PDE10A: variants seen among roughly 807,000 people sequenced by gnomAD.
The protein encoded by PDE10A is cAMP and cAMP-inhibited cGMP 3',5'-cyclic phosphodiesterase 10A.
In PDE10A, 39 loss-of-function variants were observed where a neutral mutation model predicts 97.7. The observed-to-expected ratio is 0.40, with a 90% CI of 0.31 to 0.52. PDE10A has a LOEUF of 0.52. PDE10A is among the 20% of genes least tolerant of loss of function. The pLI is 0.56. For synonymous variants in PDE10A, 371 were observed against 376.8 expected (o/e 0.98, Z 0.18); for missense variants, 731 against 1,047.8 (o/e 0.70, Z 4.17).
chr6:165,445,693 T>C (rs1443246837), intron 5 of PDE10A, among the ~76,000 whole-genome samples: 2 of 152,248 alleles, frequency 1.3e-5, no homozygotes, highest in Non-Finnish European at 2.9e-5. Flanking sequence ...GATTGGACTC[T>C]TGAAGCCATA....
chr6:165,604,738 A>G (rs923819527), intron 1 of PDE10A, among the ~76,000 whole-genome samples: 1 of 152,182 alleles, frequency 6.6e-6, no homozygotes, highest in East Asian at 1.9e-4. Flanking sequence ...CTATGTTACT[A>G]AATACAAAAG....
At chr6:165,923,602 C>T (rs148715305) in intron 1 of PDE10A, among the ~76,000 whole-genome samples, 3 of 152,250 alleles carry the variant, frequency 2.0e-5, no homozygotes, top group African/African-American at 7.2e-5. Flanking sequence ...GCATGTGAGT[C>T]CTTCATAAAG....
chr6:165,577,919 G>A (rs1347140711), intron 1 of PDE10A, among the ~76,000 whole-genome samples: 4 of 152,144 alleles, frequency 2.6e-5, no homozygotes, highest in African/African-American at 7.2e-5. Flanking sequence ...CACAAAACAA[G>A]AGAAACCCAG....
At chr6:165,492,327 G>GA (rs1780275131) in intron 2 of PDE10A, among the ~76,000 whole-genome samples, 1 of 152,148 alleles carries the variant, frequency 6.6e-6, no homozygotes, top group South Asian at 2.1e-4. Context: ...ACAAGATAGA[G>GA]AAAGAGGGAA....
intron 3 of PDE10A, among the ~76,000 whole-genome samples, chr6:165,461,539 T>C (rs1778327603): frequency 6.6e-6 from 1 of 152,256 alleles, no homozygotes; most frequent in South Asian, 2.1e-4. Context: ...TGATTCTTCA[T>C]ACATGGTTCA....
chr6:165,447,994 T>C (rs554443116), intron 5 of PDE10A, among the ~76,000 whole-genome samples: 8 of 152,344 alleles, frequency 5.3e-5, no homozygotes, highest in African/African-American at 1.9e-4. Flanking sequence ...TGCAAAACTG[T>C]TATATTTAAG....
chr6:165,819,345 C>T lies in PDE10A; in HGVS notation c.-615+168184G>A, dbSNP rs971475885. 6.6e-6 allele frequency among the ~76,000 whole-genome samples: 1 copy of T among 152,190 alleles called. No individual in the cohort carries two copies. Among genetic ancestry groups the T allele is most frequent in the Non-Finnish European group, 1.5e-5 (1 of 68,038 alleles). On this transcript the variant is annotated intron_variant, in intron 1 of 19. Transcript: ENST00000366882. The surrounding 1 kb of genome is among the most constrained non-coding windows in gnomAD (Gnocchi z 4.2). ...CTCCTTTCTTTAAAATCCCCACTTCCCCTGAGAGATTCAGATGCTCATCCT... is the reference window on the plus strand; with the variant it reads ...CTCCTTTCTTTAAAATCCCCACTTCTCCTGAGAGATTCAGATGCTCATCCT...
chr6:165,412,007 G>A (rs936197544), intron 13 of PDE10A, among the ~76,000 whole-genome samples: 10 of 151,690 alleles, frequency 6.6e-5, no homozygotes, highest in Non-Finnish European at 2.9e-5. Context: ...TTAAGCCATA[G>A]GTATCTAAGA....
chr6:165,436,219 T>C (rs551243863), intron 5 of PDE10A, among the ~76,000 whole-genome samples: 19 of 152,298 alleles, frequency 1.2e-4, no homozygotes, highest in East Asian at 3.9e-4. Flanking sequence ...TGGATTACTC[T>C]AACAAAGAAT....
At chr6:165,503,733 G>A (rs998335007) in intron 2 of PDE10A, among the ~76,000 whole-genome samples, 5 of 152,008 alleles carry the variant, frequency 3.3e-5, no homozygotes, top group Non-Finnish European at 7.4e-5. Flanking sequence ...ATAGTTTGGC[G>A]TTTTCTGAAA....
intron 1 of PDE10A, chr6:165,576,565 C>A (rs1179951614): frequency 2.9e-6 from 2 of 694,024 alleles, no homozygotes; most frequent in Admixed American, 2.1e-5. Context: ...ACAAAAAAAT[C>A]AAATAACTAA....
chr6:165,817,188 G>C (rs1779442408), intron 1 of PDE10A, among the ~76,000 whole-genome samples: 1 of 152,050 alleles, frequency 6.6e-6, no homozygotes, highest in Non-Finnish European at 1.5e-5. Flanking sequence ...CTCCCAGCAG[G>C]CCAGAGCCCT....
At chr6:165,855,030 A>AATGAATGAATGCATGC (rs1431069532) in intron 1 of PDE10A, among the ~76,000 whole-genome samples, 1 of 143,484 alleles carries the variant, frequency 7.0e-6, no homozygotes, top group African/African-American at 2.7e-5. Flanking sequence ...TGAATGAATG[A>AATGAATGAATGCATGC]ATGCATGAAT....
chr6:165,792,524 A>G (rs1778687062), intron 1 of PDE10A, among the ~76,000 whole-genome samples: 2 of 152,142 alleles, frequency 1.3e-5, no homozygotes, highest in Admixed American at 1.3e-4. Flanking sequence ...GTTTGTCTCC[A>G]GGATGCCACT....
chr6:165,387,463 C>T (rs1268179775), intron 17 of PDE10A, among the ~76,000 whole-genome samples: 1 of 152,128 alleles, frequency 6.6e-6, no homozygotes, highest in Non-Finnish European at 1.5e-5. Context: ...TTAGAGGAGG[C>T]CTGGCCTATT....
At chr6:165,768,192 C>T (rs572513158) in intron 1 of PDE10A, among the ~76,000 whole-genome samples, 17 of 152,282 alleles carry the variant, frequency 1.1e-4, no homozygotes, top group African/African-American at 3.8e-4. Flanking sequence ...ACACTAGACC[C>T]ATATCAGATA....
At chr6:165,872,189 C>T (rs1347686096) in intron 1 of PDE10A, among the ~76,000 whole-genome samples, 1 of 152,202 alleles carries the variant, frequency 6.6e-6, no homozygotes, top group Non-Finnish European at 1.5e-5. Flanking sequence ...ATCAATATTA[C>T]TGTATTTGTA....
intron 2 of PDE10A, among the ~76,000 whole-genome samples, chr6:165,504,953 C>T (rs930767072): frequency 6.6e-6 from 1 of 152,090 alleles, no homozygotes; most frequent in East Asian, 1.9e-4. Flanking sequence ...GCAGGGCCTG[C>T]GGTTCCCACT....
rs73251516 is a variant in PDE10A at position 165,599,911 on chromosome 6, G to C, written c.866-56343C>G. On this transcript the variant is annotated intron_variant, in intron 1 of 21. Coordinates refer to ENST00000539869, the MANE Select transcript of PDE10A (RefSeq NM_001385079.1). ...CCTTAGATTGCTTTCTTTCTACCCG[G>C]AGGCAAAGGTGACACACTGATGGGG... 4.4e-3 allele frequency among the ~76,000 whole-genome samples: 664 copies of C among 152,218 alleles called. 5 individuals are homozygous for C. Among genetic ancestry groups the C allele is most frequent in the African/African-American group, 0.015 (641 of 41,530 alleles).
Sources: gnomAD v4.1 joint callset for allele counts (sites outside exome capture counted in the v4.1 genomes callset) on GRCh38, gnomAD v4.1.1 for gene constraint, Gnocchi (gnomAD v3.1) non-coding constraint, MANE v1.5 for transcripts, NCBI Gene and HGNC (gene_info 2026-07-23, HGNC 2026-07-21) for gene names.